TMC1: variants seen among roughly 807,000 people sequenced by gnomAD.
TMC1 encodes the protein transmembrane channel-like protein 1.
A neutral mutation model predicts 105.8 loss-of-function variants in TMC1; 84 were observed. The observed-to-expected ratio is 0.79, with a 90% CI of 0.67 to 0.95. TMC1 has a LOEUF of 0.95. TMC1 is among the 40% of genes least tolerant of loss of function. TMC1 has a pLI of 0.00. For missense variants in TMC1, 817 were observed against 914.1 expected, an observed-to-expected ratio of 0.89 and a Z score of 1.37; for synonymous variants, 315 against 311.5, an observed-to-expected ratio of 1.01 and a Z score of -0.12.
chr9:72,803,726 G>T (rs1828520020), intron 17 of TMC1, among the ~76,000 whole-genome samples: 1 of 152,146 alleles, frequency 6.6e-6, no homozygotes, highest in Admixed American at 6.5e-5. Context: ...AAAAAGTCAG[G>T]AAACAACAGA....
At chr9:72,816,946 C>T (rs35552692) in intron 19 of TMC1, 10,216 of 152,432 alleles carry the variant, frequency 0.067, 397 homozygotes, top group African/African-American at 0.1. Flanking sequence ...TTCCAGCCTA[C>T]AAGCAGTTAC....
At chr9:72,753,755 C>T (rs1039857716) in intron 11 of TMC1, among the ~76,000 whole-genome samples, 42 of 152,140 alleles carry the variant, frequency 2.8e-4, no homozygotes, top group Admixed American at 1.4e-3. Context: ...TGCCTCTACC[C>T]GACGGGCTCA....
At chr9:72,536,102 A>T (rs1823579832) in intron 1 of TMC1, among the ~76,000 whole-genome samples, 1 of 152,222 alleles carries the variant, frequency 6.6e-6, no homozygotes, top group East Asian at 1.9e-4. Flanking sequence ...AATAGTCCCT[A>T]AAAGTCTTAA....
chr9:72,623,992 A>G (rs987545896), intron 3 of TMC1, among the ~76,000 whole-genome samples: 2 of 152,168 alleles, frequency 1.3e-5, no homozygotes, highest in African/African-American at 4.8e-5. Flanking sequence ...AGGTAAATCC[A>G]TACTCAGAAT....
intron 4 of TMC1, among the ~76,000 whole-genome samples, chr9:72,637,189 C>T (rs1408685241): frequency 3.3e-5 from 5 of 151,556 alleles, no homozygotes; most frequent in Non-Finnish European, 7.4e-5. Flanking sequence ...TTTGAAAGGT[C>T]AGAAATTTCA....
At chr9:72,780,495 T>C (rs960729730) in intron 13 of TMC1, among the ~76,000 whole-genome samples, 1 of 152,180 alleles carries the variant, frequency 6.6e-6, no homozygotes, top group African/African-American at 2.4e-5. Context: ...GAACCAACTG[T>C]ATGTTGTCTT....
intron 8 of TMC1, among the ~76,000 whole-genome samples, chr9:72,717,189 G>A (rs1564511121): frequency 6.6e-6 from 1 of 152,160 alleles, no homozygotes; most frequent in African/African-American, 2.4e-5. Flanking sequence ...GCTGCAGACT[G>A]GAGCTGTTCT....
chr9:72,811,517 G>C (rs1358682360), intron 18 of TMC1, among the ~76,000 whole-genome samples: 1 of 151,994 alleles, frequency 6.6e-6, no homozygotes, highest in Non-Finnish European at 1.5e-5. Context: ...GGTTTTCTTT[G>C]GCAGTTCAAT....
intron 5 of TMC1, among the ~76,000 whole-genome samples, chr9:72,658,885 A>T (rs1825926631): frequency 6.6e-6 from 1 of 152,202 alleles, no homozygotes; most frequent in Non-Finnish European, 1.5e-5. Flanking sequence ...GGAAAAAGGG[A>T]GTGGTTCTGA....
At chr9:72,835,668 T>A (rs992558230) in intron 23 of TMC1, among the ~76,000 whole-genome samples, 1 of 145,596 alleles carries the variant, frequency 6.9e-6, no homozygotes, top group African/African-American at 2.5e-5. Flanking sequence ...AAAATATTCA[T>A]CACATAAGCA....
chr9:72,642,621 A>G (rs12341254), intron 4 of TMC1, among the ~76,000 whole-genome samples: 23,275 of 152,238 alleles, frequency 0.15, 1,900 homozygotes, highest in Non-Finnish European at 0.19. Flanking sequence ...AAAAATTTGT[A>G]TGAAATTTTT....
At chr9:72,646,971 A>G (rs1313446337) in intron 4 of TMC1, among the ~76,000 whole-genome samples, 1 of 150,798 alleles carries the variant, frequency 6.6e-6, no homozygotes, top group African/African-American at 2.4e-5. Flanking sequence ...GTGAAACTCC[A>G]TCTCTACTGA....
intron 8 of TMC1, among the ~76,000 whole-genome samples, chr9:72,718,492 A>T (rs755187889): frequency 3.3e-4 from 50 of 152,178 alleles, no homozygotes; most frequent in Non-Finnish European, 4.4e-4. Context: ...CTAGCCACCC[A>T]GTGGAGCTAC....
chr9:72,742,986 AGC>A (rs1827416375), intron 10 of TMC1, among the ~76,000 whole-genome samples: 3 of 152,224 alleles, frequency 2.0e-5, no homozygotes, highest in Non-Finnish European at 4.4e-5. Flanking sequence ...CTGTAATCCC[AGC>A]ACTTTGGGAG....
chr9:72,818,758 T>G (rs1050932723), intron 19 of TMC1: 1 of 152,190 alleles, frequency 6.6e-6, no homozygotes, highest in Non-Finnish European at 1.5e-5. Context: ...GGTAAGGGAC[T>G]TAGTGAGCCG....
chr9:72,702,360 G>C (rs1405911579), intron 8 of TMC1, among the ~76,000 whole-genome samples: 1 of 152,086 alleles, frequency 6.6e-6, no homozygotes, highest in Non-Finnish European at 1.5e-5. Context: ...ATTTGAGTTA[G>C]GATCTCAGAT....
intron 8 of TMC1, among the ~76,000 whole-genome samples, chr9:72,721,625 AGG>A (rs1827028272): frequency 7.2e-5 from 11 of 152,242 alleles, no homozygotes; most frequent in Admixed American, 7.2e-4. Context: ...AACTAAGCAC[AGG>A]GCCCATGTGA....
chr9:72,643,401 A>G (rs912195253), intron 4 of TMC1, among the ~76,000 whole-genome samples: 9 of 152,202 alleles, frequency 5.9e-5, no homozygotes, highest in Admixed American at 1.3e-4. Flanking sequence ...AAAGTTTGCC[A>G]TATGTATACA....
At chr9:72,549,035 A>G (rs73649748) in intron 1 of TMC1, among the ~76,000 whole-genome samples, 2,327 of 152,332 alleles carry the variant, frequency 0.015, 70 homozygotes, top group African/African-American at 0.053. Flanking sequence ...TGTGGAATAA[A>G]TAAGTGAAGA....
Sources: allele counts gnomAD v4.1 joint callset (sites outside exome capture counted in the v4.1 genomes callset), GRCh38; gene constraint gnomAD v4.1.1; transcripts MANE v1.5; gene names NCBI Gene and HGNC (gene_info 2026-07-23, HGNC 2026-07-21).